Variants in CLRN3 observed in about 807,000 individuals in gnomAD.
CLRN3 encodes the protein clarin 3, also known as clarin-3.
A neutral mutation model predicts 16.7 loss-of-function variants in CLRN3; 12 were observed. The ratio of observed to expected loss-of-function variants is 0.72; its 90% CI spans 0.46 to 1.16. The LOEUF (loss-of-function observed/expected upper bound fraction) is 1.16, where lower values mean the gene tolerates loss of function less well. CLRN3 is among the 50% of genes most tolerant of loss of function. The pLI, the probability that CLRN3 is intolerant of heterozygous loss-of-function variation, is 0.00. For synonymous variants in CLRN3, 118 were observed against 113.0 expected, an observed-to-expected ratio of 1.04 and a Z score of -0.28; for missense variants, 296 against 274.2, an observed-to-expected ratio of 1.08 and a Z score of -0.56.
chr10:127,883,958 G>A, intron 1 of CLRN3, 83 bp from the exon 2 acceptor site: 1 of 1,290,490 alleles, frequency 7.7e-7, no homozygotes, highest in South Asian at 1.2e-5. Context: ...TACCCTCTTA[G>A]TGACTTGAGT....
chr10:127,892,513 A>C, intron 1 of CLRN3, 43 bp downstream of exon 1: 1 of 1,025,656 alleles, frequency 9.7e-7, no homozygotes, highest in Non-Finnish European at 1.5e-6. Context: ...CATAAACCTT[A>C]ATTCAATCTC....
chr10:127,892,570 T>G lies in CLRN3; in HGVS notation c.215A>C (p.Lys72Thr), dbSNP rs1292904571. The G allele has an allele frequency of 1.3e-6, 2 of 1,588,532 alleles. No homozygotes were observed. The highest frequency in any genetic ancestry group is 1.7e-6 in the Non-Finnish European group (2 of 1,156,492). Residue 72 changes from lysine (K) to threonine (T), a missense_variant, in exon 1 of 3, where the codon AAG becomes ACG. Coordinates refer to ENST00000368671, the MANE Select transcript of CLRN3 (RefSeq NM_152311.5). ...EELSHGLAEP[K>T]KKFAVLEILN... ...TTATCATTTACCTGCAAACTTTTTCTTTGGTTCTGCAAGTCCGTGACTCAA... is the reference window on the plus strand; with the variant it reads ...TTATCATTTACCTGCAAACTTTTTCGTTGGTTCTGCAAGTCCGTGACTCAA...
At chr10:127,884,288 G>C (rs1845166437) in intron 1 of CLRN3, among the ~76,000 whole-genome samples, 1 of 152,168 alleles carries the variant, frequency 6.6e-6, no homozygotes, top group Non-Finnish European at 1.5e-5. Flanking sequence ...GCACTCACAG[G>C]GTAGGTCACC....
chr10:127,891,072 A>C (rs1845252664), intron 1 of CLRN3, among the ~76,000 whole-genome samples: 1 of 152,140 alleles, frequency 6.6e-6, no homozygotes, highest in South Asian at 2.1e-4. Flanking sequence ...GGGAAGGCAA[A>C]TATTCTGCCT....
In CLRN3 at chr10:127,892,823, A is replaced by G. The variant is rs778756901; in HGVS notation, c.-39T>C. The G allele has an allele frequency of 1.7e-6, 2 of 1,165,048 alleles. No homozygotes were observed. Among genetic ancestry groups the G allele is most frequent in the Non-Finnish European group, 1.3e-6 (1 of 782,876 alleles). The allele number at this position is 1,165,048 out of a possible 1,614,324, so 72.2% of individuals were successfully genotyped here. ...TAAGTTCTCTAGGACAAAAAAAGGAATATCTTCTTATAACACTTTTGAACC... is the reference window on the plus strand; with the variant it reads ...TAAGTTCTCTAGGACAAAAAAAGGAGTATCTTCTTATAACACTTTTGAACC... On this transcript the variant is annotated 5_prime_UTR_variant, in exon 1 of 3. Coordinates refer to ENST00000368671, the MANE Select transcript of CLRN3 (RefSeq NM_152311.5).
At chr10:127,878,681 T>C (rs922463837) in intron 2 of CLRN3, among the ~76,000 whole-genome samples, 5 of 152,240 alleles carry the variant, frequency 3.3e-5, no homozygotes, top group African/African-American at 1.2e-4. Context: ...GTGTAACTTG[T>C]CTACCAAACA....
intron 2 of CLRN3, 77 bp downstream of exon 2, chr10:127,883,619 A>G (rs563613215): frequency 9.8e-7 from 1 of 1,016,230 alleles, no homozygotes; most frequent in Non-Finnish European, 1.6e-6. Flanking sequence ...ATGTTCATGC[A>G]TGTGTGAGAG....
chr10:127,892,801 G>A lies in CLRN3; in HGVS notation c.-17C>T, dbSNP rs755838938. 1 of 1,472,404 alleles carries A rather than the reference G, an allele frequency of 6.8e-7. No individual in the cohort carries two copies. Among genetic ancestry groups the A allele is most frequent in the Non-Finnish European group, 9.5e-7 (1 of 1,056,164 alleles). The allele number at this position is 1,472,404 out of a possible 1,614,324, so 91.2% of individuals were successfully genotyped here. On this transcript the variant is annotated 5_prime_UTR_variant, in exon 1 of 3. Transcript: ENST00000368671. Reference sequence around the variant, plus strand: ...GGTAGGCATTTTCACAGGAAAATAAGTTCTCTAGGACAAAAAAAGGAATAT... The same window carrying A: ...GGTAGGCATTTTCACAGGAAAATAAATTCTCTAGGACAAAAAAAGGAATAT...
chr10:127,888,693 A>G (rs933472862), intron 1 of CLRN3, among the ~76,000 whole-genome samples: 2 of 152,096 alleles, frequency 1.3e-5, no homozygotes, highest in African/African-American at 4.8e-5. Flanking sequence ...CGGACGCAGC[A>G]CTCAAAGACC....
At chr10:127,883,649 C>A (rs374289187) in intron 2 of CLRN3, 47 bp downstream of exon 2, 1 of 1,328,738 alleles carries the variant, frequency 7.5e-7, no homozygotes, top group South Asian at 1.2e-5. Flanking sequence ...TGGGGACAAG[C>A]GGGATGCAGT....
chr10:127,888,148 G>C (rs1591262139), intron 1 of CLRN3, among the ~76,000 whole-genome samples: 1 of 152,218 alleles, frequency 6.6e-6, no homozygotes, highest in South Asian at 2.1e-4. Flanking sequence ...GGGAATTACC[G>C]TGACTCCCTC....
chr10:127,883,092 A>G (rs1337787046), intron 2 of CLRN3, among the ~76,000 whole-genome samples: 3 of 152,052 alleles, frequency 2.0e-5, no homozygotes, highest in Admixed American at 6.6e-5. Flanking sequence ...AAGCAACACC[A>G]CCCAGCAACA....
Position 127,878,380 on chromosome 10 carries a change from G to T in CLRN3, c.450C>A (p.Asn150Lys), listed in dbSNP as rs1484047717. 2.5e-6 allele frequency: 4 copies of T among 1,614,100 alleles called. No homozygotes were observed. In the Admixed American group the frequency reaches 6.7e-5, roughly 27 times the overall value. The change falls in exon 3 of 3, where the codon AAC becomes AAA. Residue 150 changes from asparagine to lysine, a missense_variant. By Grantham distance (94) the Asn-to-Lys change is moderately conservative. Coordinates refer to ENST00000368671, the MANE Select transcript of CLRN3 (RefSeq NM_152311.5). Reference sequence around the variant, plus strand: ...CTTCGGAGAGTTGGTTGGACTGCGTGTTCGCCACAAACAGTATCATGGTCA... The same window carrying T: ...CTTCGGAGAGTTGGTTGGACTGCGTTTTCGCCACAAACAGTATCATGGTCA... ...VFVTMILFVA[N>K]TQSNQLSEEL... is the part of the protein sequence containing the mutation.
chr10:127,883,869 T>C lies in CLRN3; in HGVS notation c.236A>G (p.Glu79Gly), dbSNP rs1024562118. Reference sequence around the variant, plus strand: ...TTTTTGGGAAGAATTATTCAGTATCTCTAAAACTAAAACAATGTTTTGTGA... The same window carrying C: ...TTTTTGGGAAGAATTATTCAGTATCCCTAAAACTAAAACAATGTTTTGTGA... ...AEPKKKFAVL[E>G]ILNNSSQKTL... is the part of the protein sequence containing the mutation. Residue 79 changes from glutamate to glycine, a missense_variant, in exon 2 of 3, where the codon GAG becomes GGG. Physicochemically the swap from Glu to Gly is moderately conservative, Grantham distance 98. Coordinates refer to ENST00000368671, the MANE Select transcript of CLRN3 (RefSeq NM_152311.5). The C allele has an allele frequency of 2.5e-6, 4 of 1,614,124 alleles. No individual in the cohort carries two copies. The Admixed American group carries it at 6.7e-5, about 27-fold the overall frequency.
rs1347867477 is a variant in CLRN3 at position 127,878,221 on chromosome 10, C to T, written c.609G>A (p.Lys203=). ...GCTCCTGCTTCCGCTGGTATCTGGC[C>T]TTCTGGTAGAAAATGATGATGGTTA... ...VTVTIIIFYQ[K]ARYQRKQEQR... Residue 203 remains lysine, a synonymous_variant, in exon 3 of 3, where the codon AAG becomes AAA. Coordinates refer to ENST00000368671, the MANE Select transcript of CLRN3 (RefSeq NM_152311.5). 6.2e-7 allele frequency: 1 copy of T among 1,614,056 alleles called. No individual in the cohort carries two copies. The highest frequency in any genetic ancestry group is 1.3e-5 in the African/African-American group (1 of 74,924).
intron 1 of CLRN3, 77 bp from the exon 2 acceptor site, chr10:127,883,952 C>T (rs1309130569): frequency 7.5e-7 from 1 of 1,339,924 alleles, no homozygotes; most frequent in South Asian, 1.2e-5. Flanking sequence ...CCACCCTACC[C>T]TCTTAGTGAC....
At chr10:127,878,598 A>G (rs926540727) in intron 2 of CLRN3, among the ~76,000 whole-genome samples, 178 bp from the exon 3 acceptor site, 1 of 152,214 alleles carries the variant, frequency 6.6e-6, no homozygotes, top group Non-Finnish European at 1.5e-5. Flanking sequence ...CTAGGCATAG[A>G]ACACTAAAGA....
chr10:127,882,283 A>G (rs1167721040), intron 2 of CLRN3, among the ~76,000 whole-genome samples: 3 of 152,258 alleles, frequency 2.0e-5, no homozygotes, highest in African/African-American at 7.2e-5. Context: ...AGCCAGTCAT[A>G]TATGAATGTG....
intron 1 of CLRN3, among the ~76,000 whole-genome samples, chr10:127,888,326 G>T (rs1459346983): frequency 1.3e-5 from 2 of 152,152 alleles, no homozygotes; most frequent in African/African-American, 4.8e-5. Context: ...GGGAGAAGTG[G>T]CCTGAGCTTG....
Sources: allele counts gnomAD v4.1 joint callset (sites outside exome capture counted in the v4.1 genomes callset), GRCh38; gene constraint gnomAD v4.1.1; transcripts MANE v1.5; gene names NCBI Gene and HGNC (gene_info 2026-07-23, HGNC 2026-07-21).